MYO5B: variants seen among roughly 807,000 people sequenced by gnomAD.
The protein encoded by MYO5B is myosin VB.
In MYO5B, 143 loss-of-function variants were observed where a neutral mutation model predicts 229.3. That is an observed-to-expected ratio of 0.62 (90% CI 0.54 to 0.72). The LOEUF is 0.72. Among genes scored for constraint, MYO5B ranks in the 30% least tolerant of loss-of-function variants. MYO5B has a pLI of 0.00. For missense variants in MYO5B, 2,321 were observed against 2,331.0 expected, an observed-to-expected ratio of 1.00 and a Z score of 0.09; for synonymous variants, 918 against 885.2, an observed-to-expected ratio of 1.04 and a Z score of -0.66.
At chr18:49,972,229 A>G (rs1303910220) in intron 10 of MYO5B, among the ~76,000 whole-genome samples, 1 of 152,254 alleles carries the variant, frequency 6.6e-6, no homozygotes, top group Non-Finnish European at 1.5e-5. Context: ...TTAGGCAGTC[A>G]CAGGATGTTA....
At position 49,837,748 on chromosome 18, in the gene MYO5B, G is replaced by T; in HGVS notation, c.4907C>A (p.Thr1636Asn). 1.2e-6 allele frequency: 2 copies of T among 1,614,150 alleles called. No homozygotes were observed. Among genetic ancestry groups the T allele is most frequent in the South Asian group, 1.1e-5 (1 of 91,074 alleles). ...SIQGLSGVKP[T>N]GYRKRSSSMA... ...GCTGGAGGAGCGCTTCCGGTAGCCGGTGGGCTTCACACCAGATAGACCCTG... is the reference window on the plus strand; with the variant it reads ...GCTGGAGGAGCGCTTCCGGTAGCCGTTGGGCTTCACACCAGATAGACCCTG... The change falls in exon 37 of 40, where the codon ACC becomes AAC. Residue 1636 changes from threonine to asparagine, a missense_variant. Thr to Asn is a moderately conservative substitution (Grantham distance 65). Transcript: ENST00000285039.
intron 3 of MYO5B, among the ~76,000 whole-genome samples, chr18:50,039,540 T>C (rs4939934): frequency 0.97 from 147,431 of 152,192 alleles, 71,569 homozygotes; most frequent in East Asian, 1. Context: ...ACCATGTTAG[T>C]GAGGATGGTC....
At chr18:49,860,915 G>A (rs1015785142) in intron 29 of MYO5B, among the ~76,000 whole-genome samples, 9 of 152,232 alleles carry the variant, frequency 5.9e-5, no homozygotes, top group African/African-American at 2.2e-4. Flanking sequence ...ATGGTAATGG[G>A]AATCCCCTTG....
intron 9 of MYO5B, 96 bp downstream of exon 9, chr18:49,980,348 T>C: frequency 1.1e-6 from 1 of 896,788 alleles, no homozygotes; most frequent in Non-Finnish European, 1.9e-6. Flanking sequence ...ATAAATAACC[T>C]ATGAGTGTCC....
rs1443443994 is a variant in MYO5B at position 49,971,208 on chromosome 18, T to TGG, written c.1322+3141_1322+3142insCC. On this transcript the variant is annotated intron_variant, in intron 10 of 39. Coordinates refer to ENST00000285039, the MANE Select transcript of MYO5B (RefSeq NM_001080467.3). ...TCACTTCCCATAGTCATGAATAGAA[T>TGG]AAAGCCTAATGACTGGAATGAGTTT... 2.6e-5 allele frequency among the ~76,000 whole-genome samples: 4 copies of TGG among 152,252 alleles called. No homozygotes were observed. In the East Asian group the frequency reaches 7.7e-4, roughly 29 times the overall value.
intron 4 of MYO5B, among the ~76,000 whole-genome samples, chr18:50,002,316 G>A (rs1419145359): frequency 6.6e-6 from 1 of 152,076 alleles, no homozygotes; most frequent in Non-Finnish European, 1.5e-5. Flanking sequence ...TCAATAAGTG[G>A]GATCTGAGTC....
rs72450719 is a variant in MYO5B, at chr18:49,957,682, C to CAAA, written c.1546-3250_1546-3248dup. On this transcript the variant is annotated intron_variant, in intron 12 of 39. Coordinates refer to ENST00000285039, the MANE Select transcript of MYO5B (RefSeq NM_001080467.3). ...CAAAACAAAACAAAACAAAAAAAGC[C>CAAA]AAAAAAAAAAAAAAAACCAGACCCC... Among the ~76,000 whole-genome samples, 495 of 120,854 alleles carry CAAA rather than the reference C, an allele frequency of 4.1e-3. 11 individuals carry two copies. The highest frequency in any genetic ancestry group is 0.011 in the South Asian group (41 of 3,722). 79.3% of individuals were successfully genotyped at this position (120,854 alleles called of 152,430 possible). A position where few individuals can be genotyped will look rare whatever the true frequency, so the allele number is the denominator to read the frequency against.
At chr18:50,027,862 C>A (rs1447901870) in intron 4 of MYO5B, among the ~76,000 whole-genome samples, 1 of 152,086 alleles carries the variant, frequency 6.6e-6, no homozygotes, top group Admixed American at 6.5e-5. Flanking sequence ...TAGCAGAACA[C>A]AAGTACAAGG....
At chr18:50,028,643 A>G (rs73444754) in intron 4 of MYO5B, among the ~76,000 whole-genome samples, 1,605 of 152,274 alleles carry the variant, frequency 0.011, 31 homozygotes, top group African/African-American at 0.037. Flanking sequence ...TGATACAGAA[A>G]CTCCTGACAA....
chr18:50,032,891 G>A (rs1350533218), intron 4 of MYO5B, among the ~76,000 whole-genome samples: 1 of 152,082 alleles, frequency 6.6e-6, no homozygotes, highest in African/African-American at 2.4e-5. Flanking sequence ...GGAGGCTGAG[G>A]CAGGAGAACT....
intron 1 of MYO5B, among the ~76,000 whole-genome samples, chr18:50,079,725 C>T (rs943379915): frequency 4.6e-5 from 7 of 152,166 alleles, no homozygotes; most frequent in Admixed American, 3.9e-4. Flanking sequence ...ATGGGATGGG[C>T]GGGAGCCTCT....
At chr18:49,879,824 C>T (rs2024567089) in intron 23 of MYO5B, among the ~76,000 whole-genome samples, 1 of 152,212 alleles carries the variant, frequency 6.6e-6, no homozygotes, top group Non-Finnish European at 1.5e-5. Flanking sequence ...TTGAGAGAGG[C>T]TGACCTGGGA....
At chr18:49,888,037 CAG>C (rs1181755735) in intron 22 of MYO5B, among the ~76,000 whole-genome samples, 1 of 152,144 alleles carries the variant, frequency 6.6e-6, no homozygotes, top group Non-Finnish European at 1.5e-5. Flanking sequence ...TAGTTGCCCT[CAG>C]AGAGTGTCCA....
chr18:50,184,903 T>A (rs4939619), intron 1 of MYO5B, among the ~76,000 whole-genome samples: 497 of 7,448 alleles, frequency 0.067, 3 homozygotes, highest in Middle Eastern at 0.39. Context: ...CAGAAAAAAA[T>A]ATATATATAT....
intron 1 of MYO5B, among the ~76,000 whole-genome samples, chr18:50,193,707 C>T (rs2033259146): frequency 6.6e-6 from 1 of 152,188 alleles, no homozygotes; most frequent in African/African-American, 2.4e-5. Flanking sequence ...TTTTGGCCAC[C>T]CAAGAAGACG....
At chr18:50,036,129 A>T (rs1034224348) in intron 4 of MYO5B, among the ~76,000 whole-genome samples, 1 of 152,360 alleles carries the variant, frequency 6.6e-6, no homozygotes, top group South Asian at 2.1e-4. Flanking sequence ...AGAGGTGACA[A>T]GAAAAACTTG....
chr18:50,099,676 G>A (rs1220016707), intron 1 of MYO5B, among the ~76,000 whole-genome samples: 2 of 152,158 alleles, frequency 1.3e-5, no homozygotes, highest in African/African-American at 2.4e-5. Context: ...CTGGAGCTTT[G>A]AGCTGCTTTT....
At chr18:49,948,428 C>T (rs2025398334) in intron 14 of MYO5B, among the ~76,000 whole-genome samples, 1 of 152,076 alleles carries the variant, frequency 6.6e-6, no homozygotes, top group African/African-American at 2.4e-5. Context: ...ACAACATGGA[C>T]TCTCCTGTAT....
chr18:49,833,005 GAAA>G lies in MYO5B; in HGVS notation c.5394+2336_5394+2338del, dbSNP rs202103311. Among the ~76,000 whole-genome samples, 35 of 152,102 alleles carry G rather than the reference GAAA, an allele frequency of 2.3e-4. No homozygotes were observed. In the East Asian group the frequency reaches 6.8e-3, roughly 29 times the overall value. ...AATGTGAAATGGCAGGAGGCTCTGG[GAAA>G]AAAAGTCATCTTTGTAGCACTTAAG... On this transcript the variant is annotated intron_variant, in intron 39 of 39. Transcript: ENST00000285039.
Sources: gnomAD v4.1 joint callset for allele counts (sites outside exome capture counted in the v4.1 genomes callset) on GRCh38, gnomAD v4.1.1 for gene constraint, MANE v1.5 for transcripts, NCBI Gene and HGNC (gene_info 2026-07-23, HGNC 2026-07-21) for gene names.